Variants in FXN observed in about 807,000 individuals in gnomAD.
The protein encoded by FXN is frataxin, also known as frataxin, mitochondrial.
Under a neutral mutation model 22.4 loss-of-function variants are expected in FXN, and 14 were observed. That is an observed-to-expected ratio of 0.62 (90% CI 0.41 to 0.98). The LOEUF is 0.98. Among genes scored for constraint, FXN ranks in the 50% least tolerant of loss-of-function variants. The probability of loss-of-function intolerance (pLI) is 0.00; values close to 1 mark genes in which losing one functional copy is unlikely to be tolerated. For synonymous variants in FXN, 120 were observed against 114.1 expected, an observed-to-expected ratio of 1.05 and a Z score of -0.33; for missense variants, 267 against 268.4, an observed-to-expected ratio of 0.99 and a Z score of 0.04.
chr9:69,053,694 G>A (rs561466570), intron 3 of FXN, among the ~76,000 whole-genome samples: 79 of 152,162 alleles, frequency 5.2e-4, no homozygotes, highest in Non-Finnish European at 9.3e-4. Flanking sequence ...AGAGGGGCCT[G>A]AGTGTGTATT....
In FXN at chr9:69,073,679, C is replaced by T; in HGVS notation, c.*917C>T. ...CCTTTGTGGACAAGTTTCCCAAATT[C>T]CCTGGACCTCTGCTTCCCCATCTGT... is the stretch of plus-strand genomic sequence containing the variant. On this transcript the variant is annotated 3_prime_UTR_variant, in exon 5 of 5. Coordinates refer to ENST00000484259, the MANE Select transcript of FXN (RefSeq NM_000144.5). 1 of 985,340 alleles carries T rather than the reference C, an allele frequency of 1.0e-6. No individual in the cohort carries two copies. The highest frequency in any genetic ancestry group is 6.1e-5 in the Admixed American group (1 of 16,276). 61.0% of individuals were successfully genotyped at this position (985,340 alleles called of 1,614,324 possible). A position where few individuals can be genotyped will look rare whatever the true frequency, so the allele number is the denominator to read the frequency against.
chr9:69,039,338 G>A (rs1223240003), intron 1 of FXN, among the ~76,000 whole-genome samples: 1 of 152,064 alleles, frequency 6.6e-6, no homozygotes, highest in Non-Finnish European at 1.5e-5. Context: ...TGAAAATCCA[G>A]GTCCTCAGTC....
At chr9:69,065,092 G>GTC in intron 4 of FXN, 57 bp downstream of exon 4, 3 of 1,296,010 alleles carry the variant, frequency 2.3e-6, no homozygotes, top group Non-Finnish European at 3.4e-6. Context: ...TCCGAAATGT[G>GTC]ACATTGTGGA....
intron 2 of FXN, 32 bp from the exon 3 acceptor site, chr9:69,053,108 A>G: frequency 1.2e-6 from 2 of 1,610,766 alleles, no homozygotes; most frequent in Non-Finnish European, 1.7e-6. Flanking sequence ...GCATTTGGTA[A>G]TCATGTTTTG....
chr9:69,066,589 T>C (rs1832168780), intron 4 of FXN, among the ~76,000 whole-genome samples: 1 of 152,196 alleles, frequency 6.6e-6, no homozygotes, highest in Non-Finnish European at 1.5e-5. Context: ...TGACCCTGGC[T>C]GTGCTTGAGC....
chr9:69,069,915 T>G (rs1380875626), intron 4 of FXN, among the ~76,000 whole-genome samples: 1 of 152,122 alleles, frequency 6.6e-6, no homozygotes, highest in Non-Finnish European at 1.5e-5. Flanking sequence ...GAAGAAAGAC[T>G]CTTCCAATTT....
rs1832419886 is a variant in FXN, at chr9:69,079,028, T to C, written c.*6266T>C. 1.1e-6 allele frequency: 1 copy of C among 873,284 alleles called. No homozygotes were observed. Among genetic ancestry groups the C allele is most frequent in the Admixed American group, 6.2e-5 (1 of 16,104 alleles). The allele number at this position is 873,284 out of a possible 1,614,324, so 54.1% of individuals were successfully genotyped here. A position where few individuals can be genotyped will look rare whatever the true frequency, so the allele number is the denominator to read the frequency against. On this transcript the variant is annotated 3_prime_UTR_variant, in exon 5 of 5. Coordinates refer to ENST00000484259, the MANE Select transcript of FXN (RefSeq NM_000144.5). ...CTATAAATGTCAAATAAATGTGTTA[T>C]AATTATATGTTTAAGATAGTTGTTC... is the stretch of plus-strand genomic sequence containing the variant.
At chr9:69,043,315 T>A (rs1831690661) in intron 1 of FXN, 1 of 152,238 alleles carries the variant, frequency 6.6e-6, no homozygotes, top group African/African-American at 2.4e-5. Flanking sequence ...GTGCAAAGTT[T>A]AGCACGAGGA....
In FXN at chr9:69,064,998, A is replaced by G. The variant is rs1424491000; in HGVS notation, c.445A>G (p.Thr149Ala). The change falls in exon 4 of 5, where the codon ACG (threonine) becomes GCG (alanine). Residue 149 changes from threonine to alanine, a missense_variant. Transcript: ENST00000484259. Reference sequence around the variant, plus strand: ...AGGAACCTATGTGATCAACAAGCAGACGCCAAACAAGCAAATCTGGCTATC... The same window carrying G: ...AGGAACCTATGTGATCAACAAGCAGGCGCCAAACAAGCAAATCTGGCTATC... Reference protein sequence around the residue: ...DLGTYVINKQTPNKQIWLSSP... With the variant: ...DLGTYVINKQAPNKQIWLSSP... 3 of 1,614,154 alleles carry G rather than the reference A, an allele frequency of 1.9e-6. No homozygotes were observed. Among genetic ancestry groups the G allele is most frequent in the South Asian group, 1.1e-5 (1 of 91,074 alleles).
Position 69,061,236 on chromosome 9 carries a change from T to C in FXN, c.385-3702T>C, listed in dbSNP as rs148643734. On this transcript the variant is annotated intron_variant, in intron 3 of 4. Coordinates refer to ENST00000484259, the MANE Select transcript of FXN (RefSeq NM_000144.5). The stretch of plus-strand genomic sequence containing the variant: ...TGCATGTGCACCCCCTGATTTGCTG[T>C]ATGCTGAGGCATTGTGGTGATGGAC... Among the ~76,000 whole-genome samples the C allele has an allele frequency of 1.2e-3, 185 of 152,346 alleles. 1 individual carries two copies. The highest frequency in any genetic ancestry group is 0.01 in the Middle Eastern group (3 of 294).
In FXN at chr9:69,072,767, C is replaced by T. The variant is rs2133138869; in HGVS notation, c.*5C>T. On this transcript the variant is annotated 3_prime_UTR_variant, in exon 5 of 5. Transcript: ENST00000484259. ...TATTCCGGAAAAGATGCTTGATGCC[C>T]AGCCCCGTTTTAAGGACATTAAAAG... 6.2e-7 allele frequency: 1 copy of T among 1,614,140 alleles called. No individual in the cohort carries two copies. The highest frequency in any genetic ancestry group is 2.2e-5 in the East Asian group (1 of 44,876).
chr9:69,075,794 A>G lies in FXN; in HGVS notation c.*3032A>G. 3 of 851,960 alleles carry G rather than the reference A, an allele frequency of 3.5e-6. No homozygotes were observed. Among genetic ancestry groups the G allele is most frequent in the Non-Finnish European group, 4.2e-6 (3 of 708,770 alleles). The allele number at this position is 851,960 out of a possible 1,614,324, so 52.8% of individuals were successfully genotyped here. ...CACTCAGGCTGGAGGACAGTGGTAC[A>G]ATCAAAGCTCATGGCAGCCTCGACC... On this transcript the variant is annotated 3_prime_UTR_variant, in exon 5 of 5. Transcript: ENST00000484259.
intron 3 of FXN, among the ~76,000 whole-genome samples, chr9:69,055,667 T>A (rs1045000503): frequency 2.6e-5 from 4 of 151,790 alleles, no homozygotes; most frequent in Admixed American, 2.6e-4. Flanking sequence ...CTAAGTTTTG[T>A]ATTTTTAGTA....
intron 1 of FXN, among the ~76,000 whole-genome samples, chr9:69,040,670 A>AG (rs202011522): frequency 6.6e-6 from 1 of 151,732 alleles, no homozygotes; most frequent in Non-Finnish European, 1.5e-5. Flanking sequence ...TGCATCTCAA[A>AG]GAAAAAAATA....
In FXN at chr9:69,061,448, C is replaced by T. The variant is rs1220919884; in HGVS notation, c.385-3490C>T. On this transcript the variant is annotated intron_variant, in intron 3 of 4. Transcript: ENST00000484259. ...TGTGGCCCCCCAGTATAGGGTGCAA[C>T]ACACAACTGGAGCATTTAAGGGCCA... Among the ~76,000 whole-genome samples the T allele has an allele frequency of 5.9e-5, 9 of 152,174 alleles. No homozygotes were observed. The East Asian group carries it at 9.7e-4, about 16-fold the overall frequency.
At chr9:69,054,914 G>A (rs1334155743) in intron 3 of FXN, among the ~76,000 whole-genome samples, 2 of 152,232 alleles carry the variant, frequency 1.3e-5, no homozygotes, top group East Asian at 3.8e-4. Context: ...TCAGCCATCA[G>A]ACTAAAGCGA....
At chr9:69,057,942 C>T (rs4304388) in intron 3 of FXN, among the ~76,000 whole-genome samples, 11,159 of 152,206 alleles carry the variant, frequency 0.073, 581 homozygotes, top group African/African-American at 0.14. Context: ...TTCTTTGATC[C>T]CAGTGTCTGG....
intron 3 of FXN, among the ~76,000 whole-genome samples, chr9:69,055,139 G>C (rs1831932247): frequency 6.6e-6 from 1 of 152,236 alleles, no homozygotes; most frequent in Non-Finnish European, 1.5e-5. Flanking sequence ...ATGCAGTAGT[G>C]CCTGGGCAGG....
In FXN at chr9:69,078,180, C is replaced by T. The variant is rs889280886; in HGVS notation, c.*5418C>T. The T allele has an allele frequency of 3.0e-6, 3 of 984,302 alleles. No homozygotes were observed. The highest frequency in any genetic ancestry group is 6.2e-5 in the Admixed American group (1 of 16,252). 61.0% of individuals were successfully genotyped at this position (984,302 alleles called of 1,614,324 possible). ...GGATTTCTCTGTAAGATTGCCTAGG[C>T]TGTGTACTGCACATCTCCAGGTGCC... On this transcript the variant is annotated 3_prime_UTR_variant, in exon 5 of 5. Coordinates refer to ENST00000484259, the MANE Select transcript of FXN (RefSeq NM_000144.5).
Sources: allele counts gnomAD v4.1 joint callset (sites outside exome capture counted in the v4.1 genomes callset), GRCh38; gene constraint gnomAD v4.1.1; transcripts MANE v1.5; gene names NCBI Gene and HGNC (gene_info 2026-07-23, HGNC 2026-07-21).